CERS6: variants seen among roughly 807,000 people sequenced by gnomAD.
CERS6 encodes the protein LAG1 homolog, ceramide synthase 6.
A neutral mutation model predicts 56.8 loss-of-function variants in CERS6; 26 were observed. The ratio of observed to expected loss-of-function variants is 0.46; its 90% CI spans 0.34 to 0.63. The LOEUF is 0.63. Ranked by LOEUF, CERS6 falls within the 30% of genes least tolerant of loss-of-function variation. CERS6 has a pLI of 0.01. For missense variants in CERS6, 415 were observed against 467.5 expected (o/e 0.89, Z 1.04); for synonymous variants, 164 against 173.3 (o/e 0.95, Z 0.42).
intron 8 of CERS6, among the ~76,000 whole-genome samples, chr2:168,759,043 C>T (rs1684493749): frequency 6.6e-6 from 1 of 151,964 alleles, no homozygotes; most frequent in Non-Finnish European, 1.5e-5. Flanking sequence ...GATGAAGAAC[C>T]CATAAAAGAT....
chr2:168,500,605 G>A (rs1310770194), intron 1 of CERS6, among the ~76,000 whole-genome samples: 3 of 152,178 alleles, frequency 2.0e-5, no homozygotes, highest in African/African-American at 7.2e-5. Context: ...AAGGAGGTGG[G>A]AGAAGGCTGT....
At chr2:168,649,440 T>C (rs547517222) in intron 4 of CERS6, among the ~76,000 whole-genome samples, 31 of 152,286 alleles carry the variant, frequency 2.0e-4, no homozygotes, top group Middle Eastern at 3.4e-3. Flanking sequence ...TACGTCTTAA[T>C]GTGGATTATT....
chr2:168,488,536 C>G (rs1334512159), intron 1 of CERS6, among the ~76,000 whole-genome samples: 2 of 151,938 alleles, frequency 1.3e-5, no homozygotes, highest in Non-Finnish European at 2.9e-5. Flanking sequence ...GTGTTTAGAT[C>G]ATTTTTGTTT....
At chr2:168,631,913 C>G (rs1684755866) in intron 4 of CERS6, among the ~76,000 whole-genome samples, 1 of 136,848 alleles carries the variant, frequency 7.3e-6, no homozygotes, top group Non-Finnish European at 1.5e-5. Flanking sequence ...TATATAATAT[C>G]TGTCTCTCTC....
rs1684853862 is a variant in CERS6, at chr2:168,771,221, C to G, written c.*1559C>G. On this transcript the variant is annotated 3_prime_UTR_variant, in exon 10 of 10. Transcript: ENST00000305747. ...CAGAGAGTGCGTATCCTGCTCAGAA[C>G]CATTCACATTTAATTCAATTCTTGG... The G allele has an allele frequency of 6.6e-6, 1 of 152,166 alleles. No individual in the cohort carries two copies. The highest frequency in any genetic ancestry group is 2.1e-4 in the South Asian group (1 of 4,826). 9.4% of individuals were successfully genotyped at this position (152,166 alleles called of 1,614,324 possible).
chr2:168,693,816 G>A (rs1686568310), intron 5 of CERS6, among the ~76,000 whole-genome samples: 1 of 152,098 alleles, frequency 6.6e-6, no homozygotes, highest in Non-Finnish European at 1.5e-5. Flanking sequence ...AATGTTAGGG[G>A]GACACAAACT....
intron 1 of CERS6, among the ~76,000 whole-genome samples, chr2:168,485,528 G>A (rs1694260820): frequency 6.6e-6 from 1 of 151,984 alleles, no homozygotes; most frequent in Non-Finnish European, 1.5e-5. Context: ...CTGAACTTTT[G>A]GAACTACTGA....
intron 1 of CERS6, among the ~76,000 whole-genome samples, chr2:168,542,424 C>T (rs1333284606): frequency 6.6e-6 from 1 of 152,122 alleles, no homozygotes; most frequent in African/African-American, 2.4e-5. Context: ...TACTTGTACT[C>T]ATTTATATAT....
At chr2:168,755,695 G>A (rs1244871612) in intron 8 of CERS6, among the ~76,000 whole-genome samples, 3 of 152,220 alleles carry the variant, frequency 2.0e-5, no homozygotes, top group African/African-American at 4.8e-5. Context: ...AACTATAGCA[G>A]CCTTTCTGTG....
chr2:168,588,162 C>T (rs75234788), intron 3 of CERS6, among the ~76,000 whole-genome samples: 1,585 of 151,396 alleles, frequency 0.01, 20 homozygotes, highest in African/African-American at 0.017. Context: ...TTAAGTATTC[C>T]TCCTGTCTCA....
chr2:168,745,247 A>AT (rs11453117), intron 8 of CERS6, among the ~76,000 whole-genome samples: 83,020 of 149,692 alleles, frequency 0.55, 23,015 homozygotes, highest in Admixed American at 0.61. Context: ...CAGTTTAAAA[A>AT]TTTTTTTTTT....
At position 168,496,816 on chromosome 2, in the gene CERS6, C is replaced by A. The variant is rs146809946; in HGVS notation, c.170+40198C>A. Among the ~76,000 whole-genome samples, 72 of 152,218 alleles carry A rather than the reference C, an allele frequency of 4.7e-4. 1 individual carries two copies. The highest frequency in any genetic ancestry group is 1.3e-3 in the African/African-American group (56 of 41,534). On this transcript the variant is annotated intron_variant, in intron 1 of 9. Coordinates refer to ENST00000305747, the MANE Select transcript of CERS6 (RefSeq NM_203463.3). ...AATTTTCTAGATTAGTTTGGGGCTT[C>A]CATTTAATTCTAAAATGAAAATTTT...
At chr2:168,608,943 T>C (rs1484420023) in intron 3 of CERS6, among the ~76,000 whole-genome samples, 2 of 152,240 alleles carry the variant, frequency 1.3e-5, no homozygotes, top group African/African-American at 4.8e-5. Flanking sequence ...TGTAGGAGTT[T>C]GTGGAACTCC....
intron 1 of CERS6, among the ~76,000 whole-genome samples, chr2:168,488,650 G>T (rs997011208): frequency 6.6e-6 from 1 of 151,826 alleles, no homozygotes; most frequent in African/African-American, 2.4e-5. Context: ...TGTCTTTTGG[G>T]TTATTTGAAT....
At chr2:168,541,396 T>C (rs1421777973) in intron 1 of CERS6, among the ~76,000 whole-genome samples, 3 of 152,230 alleles carry the variant, frequency 2.0e-5, no homozygotes, top group Non-Finnish European at 4.4e-5. Flanking sequence ...CCTTTTTCCC[T>C]GTGACTCTAA....
At chr2:168,554,221 TAGAA>T (rs1264170848) in intron 2 of CERS6, among the ~76,000 whole-genome samples, 2 of 151,778 alleles carry the variant, frequency 1.3e-5, no homozygotes, top group African/African-American at 4.8e-5. Flanking sequence ...AGAACATAAT[TAGAA>T]AGAATAAACT....
chr2:168,508,717 G>A (rs997722483), intron 1 of CERS6, among the ~76,000 whole-genome samples: 1 of 152,118 alleles, frequency 6.6e-6, no homozygotes, highest in Non-Finnish European at 1.5e-5. Context: ...GTCGGGGGGT[G>A]GGGGGTAGGG....
rs1687193029 is a variant in CERS6, at chr2:168,715,032, T to C, written c.641T>C (p.Val214Ala). 2 of 1,610,542 alleles carry C rather than the reference T, an allele frequency of 1.2e-6. No homozygotes were observed. The highest frequency in any genetic ancestry group is 1.7e-6 in the Non-Finnish European group (2 of 1,178,380). ...GGCATTATGTTCCTGCACCACCTTG[T>C]ATCTATTTTCTTGATTACCTTTTCA... Reference protein sequence around the residue: ...DFGIMFLHHLVSIFLITFSYV... With the variant: ...DFGIMFLHHLASIFLITFSYV... Residue 214 changes from valine (V) to alanine (A), a missense_variant, in exon 7 of 10, where the codon GTA becomes GCA. Val to Ala is a moderately conservative substitution (Grantham distance 64, BLOSUM62 0). Transcript: ENST00000305747.
intron 1 of CERS6, among the ~76,000 whole-genome samples, chr2:168,486,937 A>T (rs964142674): frequency 1.3e-5 from 2 of 151,678 alleles, no homozygotes; most frequent in Non-Finnish European, 2.9e-5. Flanking sequence ...TGAATTTAAT[A>T]AATTCCATAT....
Sources: gnomAD v4.1 joint callset for allele counts (sites outside exome capture counted in the v4.1 genomes callset) on GRCh38, gnomAD v4.1.1 for gene constraint, MANE v1.5 for transcripts, NCBI Gene and HGNC (gene_info 2026-07-23, HGNC 2026-07-21) for gene names.